REM2: variants seen among roughly 807,000 people sequenced by gnomAD.
REM2 encodes the protein RRAD and GEM like GTPase 2.
In REM2, 24 loss-of-function variants were observed where a neutral mutation model predicts 24.4. The ratio of observed to expected loss-of-function variants is 0.98; its 90% CI spans 0.71 to 1.38. The LOEUF (loss-of-function observed/expected upper bound fraction) is 1.38, where lower values mean the gene tolerates loss of function less well. REM2 is among the 40% of genes most tolerant of loss of function. The pLI, the probability that REM2 is intolerant of heterozygous loss-of-function variation, is 0.00. For missense variants in REM2, 429 were observed against 467.8 expected, an observed-to-expected ratio of 0.92 and a Z score of 0.77; for synonymous variants, 187 against 198.0, an observed-to-expected ratio of 0.94 and a Z score of 0.47.
Position 22,887,282 on chromosome 14 carries a change from T to A in REM2, c.*373T>A. On this transcript the variant is annotated 3_prime_UTR_variant, in exon 5 of 5. Coordinates refer to ENST00000267396, the MANE Select transcript of REM2 (RefSeq NM_173527.3). ...GTAAAGAGATTCTAAAAGCAAGATC[T>A]GGAAAAGTGCTTCGTAGACTCCTTG... The A allele has an allele frequency of 5.6e-6, 1 of 179,516 alleles. No homozygotes were observed. The highest frequency in any genetic ancestry group is 1.4e-4 in the East Asian group (1 of 7,226). 11.1% of individuals were successfully genotyped at this position (179,516 alleles called of 1,614,324 possible).
At chr14:22,884,607 C>T (rs551589704) in intron 1 of REM2, 67 bp from the exon 2 acceptor site, 28 of 1,511,328 alleles carry the variant, frequency 1.9e-5, no homozygotes, top group Admixed American at 1.1e-4. Flanking sequence ...TGGATTGAGC[C>T]TTCTGCATAT....
Position 22,886,282 on chromosome 14 carries a change from C to T in REM2, c.727+51C>T, listed in dbSNP as rs1442572228. 2 of 1,494,844 alleles carry T rather than the reference C, an allele frequency of 1.3e-6. No homozygotes were observed. Among genetic ancestry groups the T allele is most frequent in the Admixed American group, 1.9e-5 (1 of 52,076 alleles). The allele number at this position is 1,494,844 out of a possible 1,614,324, so 92.6% of individuals were successfully genotyped here. ...CTTGCGATCTCAGGGGAATGCTCTC[C>T]CTTCCAAGTCACCTCTTCTCCCTAA... On this transcript the variant is annotated intron_variant, in intron 4 of 4. Coordinates refer to ENST00000267396, the MANE Select transcript of REM2 (RefSeq NM_173527.3). This position sits in a 1 kb window ranked among gnomAD's most constrained non-coding sequence, Gnocchi z 5.9.
In REM2 at chr14:22,886,871, C is replaced by A. The variant is rs767409341; in HGVS notation, c.985C>A (p.Gln329Lys). Residue 329 changes from glutamine (Q) to lysine (K), a missense_variant, in exon 5 of 5, where the codon CAG becomes AAG. Physicochemically the swap from Gln to Lys is moderately conservative, Grantham distance 53. Transcript: ENST00000267396. The surrounding 1 kb of genome is among the most constrained non-coding windows in gnomAD (Gnocchi z 5.9). ...LVPRNAKFFK[Q>K]RSRSCHDLSV... ...GCCGCGCAACGCCAAGTTCTTCAAG[C>A]AGCGCTCCAGGTCGTGTCACGACCT... The A allele has an allele frequency of 6.5e-7, 1 of 1,542,358 alleles. No individual in the cohort carries two copies. Among genetic ancestry groups the A allele is most frequent in the East Asian group, 2.5e-5 (1 of 40,438 alleles).
chr14:22,886,316 T>G lies in REM2; in HGVS notation c.727+85T>G. On this transcript the variant is annotated intron_variant, in intron 4 of 4. Coordinates refer to ENST00000267396, the MANE Select transcript of REM2 (RefSeq NM_173527.3). This position sits in a 1 kb window ranked among gnomAD's most constrained non-coding sequence, Gnocchi z 5.9. ...TCACCTCTTCTCCCTAAGGCCTTTT[T>G]ACCATCGCGGACGCACTCACTTGCA... 8.8e-5 allele frequency: 107 copies of G among 1,220,916 alleles called. No homozygotes were observed. Among genetic ancestry groups the G allele is most frequent in the Non-Finnish European group, 1.2e-4 (101 of 848,170 alleles). The allele number at this position is 1,220,916 out of a possible 1,614,324, so 75.6% of individuals were successfully genotyped here.
intron 1 of REM2, chr14:22,884,454 G>A (rs920301329): frequency 2.0e-6 from 2 of 985,244 alleles, no homozygotes; most frequent in Non-Finnish European, 2.4e-6. Flanking sequence ...TTGGGGTTGG[G>A]ACCGCATTGG....
At chr14:22,884,093 G>T (rs2040096992) in intron 1 of REM2, 3 of 985,020 alleles carry the variant, frequency 3.0e-6, no homozygotes, top group Non-Finnish European at 3.6e-6. Context: ...CACACACAGA[G>T]AACCCACAGA....
chr14:22,884,333 C>T (rs2040099527), intron 1 of REM2: 1 of 985,350 alleles, frequency 1.0e-6, no homozygotes, highest in Admixed American at 6.1e-5. Context: ...CTCCACCGTA[C>T]AGGGCCAGAG....
At position 22,886,265 on chromosome 14, in the gene REM2, C is replaced by T; in HGVS notation, c.727+34C>T. On this transcript the variant is annotated intron_variant, in intron 4 of 4. Coordinates refer to ENST00000267396, the MANE Select transcript of REM2 (RefSeq NM_173527.3). This position sits in a 1 kb window ranked among gnomAD's most constrained non-coding sequence, Gnocchi z 5.9. ...CCTGAACAGATTCCATACTTGCGATCTCAGGGGAATGCTCTCCCTTCCAAG... is the reference window on the plus strand; with the variant it reads ...CCTGAACAGATTCCATACTTGCGATTTCAGGGGAATGCTCTCCCTTCCAAG... 3.2e-6 allele frequency: 5 copies of T among 1,558,574 alleles called. No homozygotes were observed. Among genetic ancestry groups the T allele is most frequent in the Non-Finnish European group, 3.5e-6 (4 of 1,141,444 alleles).
In REM2 at chr14:22,884,871, T is replaced by A. The variant is rs1009519855; in HGVS notation, c.301T>A (p.Leu101Met). The A allele has an allele frequency of 6.2e-7, 1 of 1,613,752 alleles. No homozygotes were observed. The highest frequency in any genetic ancestry group is 2.2e-5 in the East Asian group (1 of 44,896). The change falls in exon 2 of 5, where the codon TTG becomes ATG. Residue 101 changes from leucine to methionine, a missense_variant. Leu to Met is a conservative substitution (Grantham distance 15). Transcript: ENST00000267396. ...QASSSGSSDSLGSGEAAPAQK... is the reference protein window; with the variant it reads ...QASSSGSSDSMGSGEAAPAQK... Reference sequence around the variant, plus strand: ...CTCATCCTCTGGCTCGTCTGACTCCTTGGGCTCAGGGGAGGCAGCCCCTGC... The same window carrying A: ...CTCATCCTCTGGCTCGTCTGACTCCATGGGCTCAGGGGAGGCAGCCCCTGC...
Position 22,886,083 on chromosome 14 carries a change from C to T in REM2, c.579C>T (p.Ile193=), listed in dbSNP as rs759960233. ...HCLQTGDAFL[I]VFSVTDRRSF... ...TTCAGACCGGGGACGCCTTTCTCATCGTCTTCTCAGTCACCGACCGACGGA... is the reference window on the plus strand; with the variant it reads ...TTCAGACCGGGGACGCCTTTCTCATTGTCTTCTCAGTCACCGACCGACGGA... Residue 193 remains isoleucine (I), a synonymous_variant, in exon 4 of 5, where the codon ATC becomes ATT. Transcript: ENST00000267396. The surrounding 1 kb of genome is among the most constrained non-coding windows in gnomAD (Gnocchi z 5.9). 13 of 1,613,968 alleles carry T rather than the reference C, an allele frequency of 8.1e-6. No homozygotes were observed. The East Asian group carries it at 2.5e-4, about 30-fold the overall frequency.
rs1595039165 is a variant in REM2, at chr14:22,886,600, G to C, written c.728-14G>C. On this transcript the variant is annotated splice_polypyrimidine_tract_variant and intron_variant, in intron 4 of 4. Transcript: ENST00000267396. This position sits in a 1 kb window ranked among gnomAD's most constrained non-coding sequence, Gnocchi z 5.9. Reference sequence around the variant, plus strand: ...TACAGCCCAGCGGGCGCCTGAGCCGGTGCCTTCCTGCAGAGGGCCGCCACC... The same window carrying C: ...TACAGCCCAGCGGGCGCCTGAGCCGCTGCCTTCCTGCAGAGGGCCGCCACC... 1.4e-6 allele frequency: 2 copies of C among 1,445,614 alleles called. No homozygotes were observed. Among genetic ancestry groups the C allele is most frequent in the Non-Finnish European group, 1.8e-6 (2 of 1,098,702 alleles). 89.5% of individuals were successfully genotyped at this position (1,445,614 alleles called of 1,614,324 possible).
intron 3 of REM2, among the ~76,000 whole-genome samples, chr14:22,885,724 T>C (rs925105159): frequency 6.6e-6 from 1 of 152,222 alleles, no homozygotes; most frequent in African/African-American, 2.4e-5. Flanking sequence ...TCTGAATATT[T>C]GGACATAAAG....
rs575769248 is a variant in REM2, at chr14:22,887,625, G to T, written c.*716G>T. On this transcript the variant is annotated 3_prime_UTR_variant, in exon 5 of 5. Transcript: ENST00000267396. ...AACCCCTTTTGGCCAGGGCCAGGGG[G>T]GCACCAGCAAGGGGCCACCCTTTCC... is the stretch of plus-strand genomic sequence containing the variant. 10 of 152,272 alleles carry T rather than the reference G, an allele frequency of 6.6e-5. No individual in the cohort carries two copies. The South Asian group carries it at 1.0e-3, about 16-fold the overall frequency. 9.4% of individuals were successfully genotyped at this position (152,272 alleles called of 1,614,324 possible).
chr14:22,883,688 G>C (rs976082641), intron 1 of REM2, among the ~76,000 whole-genome samples: 11 of 152,124 alleles, frequency 7.2e-5, no homozygotes, highest in African/African-American at 2.7e-4. Context: ...AGAAGGAAGG[G>C]GAGAGGAAAG....
Position 22,886,513 on chromosome 14 carries a change from T to C in REM2, c.728-101T>C, listed in dbSNP as rs2040129766. The C allele has an allele frequency of 9.1e-7, 1 of 1,096,162 alleles. No homozygotes were observed. The highest frequency in any genetic ancestry group is 2.9e-5 in the Admixed American group (1 of 34,512). The allele number at this position is 1,096,162 out of a possible 1,614,324, so 67.9% of individuals were successfully genotyped here. A position where few individuals can be genotyped will look rare whatever the true frequency, so the allele number is the denominator to read the frequency against. On this transcript the variant is annotated intron_variant, in intron 4 of 4. Transcript: ENST00000267396. The surrounding 1 kb of genome is among the most constrained non-coding windows in gnomAD (Gnocchi z 5.9). ...TTCTCTCGGTTGCAAGATTCACTAG[T>C]ACCAATCCCTTGCCACCGCACGCCC...
chr14:22,886,744 C>A lies in REM2; in HGVS notation c.858C>A (p.Ala286=). Reference sequence around the variant, plus strand: ...GGCTGCGGCGGGGCCGAAACCACGCCGGAGGCCAGAGGCCCGATCCGGGCA... The same window carrying A: ...GGCTGCGGCGGGGCCGAAACCACGCAGGAGGCCAGAGGCCCGATCCGGGCA... ...QIRLRRGRNH[A]GGQRPDPGSP... Residue 286 remains alanine, a synonymous_variant, in exon 5 of 5, where the codon GCC becomes GCA. Coordinates refer to ENST00000267396, the MANE Select transcript of REM2 (RefSeq NM_173527.3). The surrounding 1 kb of genome is among the most constrained non-coding windows in gnomAD (Gnocchi z 5.9). The A allele has an allele frequency of 6.5e-7, 1 of 1,534,568 alleles. No individual in the cohort carries two copies.
intron 1 of REM2, chr14:22,884,086 ACACAGAGAACC>A: frequency 1.0e-6 from 1 of 985,304 alleles, no homozygotes; most frequent in Non-Finnish European, 1.2e-6. Context: ...TCACACACAC[ACACAGAGAACC>A]CACAGAGACC....
At position 22,886,297 on chromosome 14, in the gene REM2, C is replaced by T; in HGVS notation, c.727+66C>T. On this transcript the variant is annotated intron_variant, in intron 4 of 4. Coordinates refer to ENST00000267396, the MANE Select transcript of REM2 (RefSeq NM_173527.3). This position sits in a 1 kb window ranked among gnomAD's most constrained non-coding sequence, Gnocchi z 5.9. Reference sequence around the variant, plus strand: ...GAATGCTCTCCCTTCCAAGTCACCTCTTCTCCCTAAGGCCTTTTTACCATC... The same window carrying T: ...GAATGCTCTCCCTTCCAAGTCACCTTTTCTCCCTAAGGCCTTTTTACCATC... The T allele has an allele frequency of 7.0e-7, 1 of 1,434,198 alleles. No individual in the cohort carries two copies. The highest frequency in any genetic ancestry group is 1.2e-5 in the South Asian group (1 of 82,026). The allele number at this position is 1,434,198 out of a possible 1,614,324, so 88.8% of individuals were successfully genotyped here.
rs550568089 is a variant in REM2 at position 22,886,531 on chromosome 14, G to A, written c.728-83G>A. ...TCACTAGTACCAATCCCTTGCCACCGCACGCCCAGGCCCTCCCTAGACCCA... is the reference window on the plus strand; with the variant it reads ...TCACTAGTACCAATCCCTTGCCACCACACGCCCAGGCCCTCCCTAGACCCA... On this transcript the variant is annotated intron_variant, in intron 4 of 4. Transcript: ENST00000267396. The surrounding 1 kb of genome is among the most constrained non-coding windows in gnomAD (Gnocchi z 5.9). 78 of 1,272,706 alleles carry A rather than the reference G, an allele frequency of 6.1e-5. No homozygotes were observed. In the African/African-American group the frequency reaches 1.0e-3, roughly 17 times the overall value. The allele number at this position is 1,272,706 out of a possible 1,614,324, so 78.8% of individuals were successfully genotyped here.
Sources: allele counts gnomAD v4.1 joint callset (sites outside exome capture counted in the v4.1 genomes callset), GRCh38; gene constraint gnomAD v4.1.1; non-coding constraint Gnocchi (gnomAD v3.1); transcripts MANE v1.5; gene names NCBI Gene and HGNC (gene_info 2026-07-23, HGNC 2026-07-21).